SLX4IP: variants seen among roughly 807,000 people sequenced by gnomAD.
The protein encoded by SLX4IP is protein SLX4IP.
In SLX4IP, 34 loss-of-function variants were observed where a neutral mutation model predicts 32.9. That is an observed-to-expected ratio of 1.03 (90% CI 0.79 to 1.38). SLX4IP has a LOEUF of 1.38. Ranked by LOEUF, SLX4IP falls within the 40% of genes most tolerant of loss-of-function variation. The pLI is 0.00. For synonymous variants in SLX4IP, 172 were observed against 171.7 expected (o/e 1.00, Z -0.01); for missense variants, 444 against 479.0 (o/e 0.93, Z 0.68).
chr20:10,505,416 G>A (rs1228750562), intron 2 of SLX4IP, among the ~76,000 whole-genome samples: 1 of 152,228 alleles, frequency 6.6e-6, no homozygotes, highest in East Asian at 1.9e-4. Context: ...ACCAAAGCCA[G>A]TGCTACTCGG....
intron 2 of SLX4IP, among the ~76,000 whole-genome samples, chr20:10,550,266 C>T (rs2066204463): frequency 6.6e-6 from 1 of 152,178 alleles, no homozygotes; most frequent in African/African-American, 2.4e-5. Context: ...TGCCTCGTTA[C>T]TTGAAGCTGC....
chr20:10,561,108 T>C (rs1045548505), intron 4 of SLX4IP, among the ~76,000 whole-genome samples: 1 of 152,206 alleles, frequency 6.6e-6, no homozygotes, highest in Non-Finnish European at 1.5e-5. Flanking sequence ...TTTAGTAGAC[T>C]TAATAATTGT....
intron 5 of SLX4IP, among the ~76,000 whole-genome samples, chr20:10,599,674 G>C (rs1310371004): frequency 6.6e-6 from 1 of 152,068 alleles, no homozygotes; most frequent in East Asian, 1.9e-4. Context: ...TGGGATTACA[G>C]GCATGAGCCA....
intron 2 of SLX4IP, among the ~76,000 whole-genome samples, chr20:10,502,059 G>A (rs544771807): frequency 2.8e-4 from 43 of 152,136 alleles, no homozygotes; most frequent in African/African-American, 8.2e-4. Context: ...CCGAAACGGC[G>A]GCTTATTCAT....
Position 10,435,347 on chromosome 20 carries a change from G to C in SLX4IP, c.-136G>C, listed in dbSNP as rs992346597. Reference sequence around the variant, plus strand: ...GCTTCTGAAGGTTGGCTGCAGTTCCGGCTACCTGTGTAGTCCGAGTTTCCA... The same window carrying C: ...GCTTCTGAAGGTTGGCTGCAGTTCCCGCTACCTGTGTAGTCCGAGTTTCCA... On this transcript the variant is annotated 5_prime_UTR_variant, in exon 1 of 8. Coordinates refer to ENST00000334534, the MANE Select transcript of SLX4IP (RefSeq NM_001009608.3). The C allele has an allele frequency of 6.6e-6, 1 of 152,160 alleles. No individual in the cohort carries two copies. 9.4% of individuals were successfully genotyped at this position (152,160 alleles called of 1,614,324 possible).
intron 2 of SLX4IP, among the ~76,000 whole-genome samples, chr20:10,536,676 G>T (rs908929855): frequency 6.6e-6 from 1 of 152,202 alleles, no homozygotes; most frequent in Non-Finnish European, 1.5e-5. Flanking sequence ...TGCTACAAAC[G>T]TACTGAGTTT....
intron 2 of SLX4IP, among the ~76,000 whole-genome samples, chr20:10,507,904 T>TTA (rs3063286): frequency 0.5 from 74,099 of 146,930 alleles, 18,901 homozygotes; most frequent in South Asian, 0.69. Flanking sequence ...ACAGTCTCCT[T>TTA]TATATATATA....
At position 10,505,627 on chromosome 20, in the gene SLX4IP, C is replaced by T. The variant is rs8125665; in HGVS notation, c.27+47396C>T. 5.9e-3 allele frequency among the ~76,000 whole-genome samples: 902 copies of T among 152,274 alleles called. 7 individuals carry two copies. Among genetic ancestry groups the T allele is most frequent in the African/African-American group, 0.021 (854 of 41,534 alleles). Reference sequence around the variant, plus strand: ...GTAACCATTTCATAGATCTTTTCTACCACTTGATCCTGGGCTTGTAGTTAA... The same window carrying T: ...GTAACCATTTCATAGATCTTTTCTATCACTTGATCCTGGGCTTGTAGTTAA... On this transcript the variant is annotated intron_variant, in intron 2 of 7. Coordinates refer to ENST00000334534, the MANE Select transcript of SLX4IP (RefSeq NM_001009608.3).
At chr20:10,516,433 A>G (rs1405998375) in intron 2 of SLX4IP, among the ~76,000 whole-genome samples, 2 of 152,228 alleles carry the variant, frequency 1.3e-5, no homozygotes, top group Non-Finnish European at 2.9e-5. Context: ...ATTCTAAGGT[A>G]ATGAGGTTTG....
intron 2 of SLX4IP, among the ~76,000 whole-genome samples, chr20:10,486,577 G>A (rs996669344): frequency 6.6e-6 from 1 of 152,072 alleles, no homozygotes; most frequent in Non-Finnish European, 1.5e-5. Flanking sequence ...ATGTGAACAT[G>A]CGTATTTAAA....
At chr20:10,493,530 G>T (rs1285735977) in intron 2 of SLX4IP, among the ~76,000 whole-genome samples, 2 of 149,272 alleles carry the variant, frequency 1.3e-5, no homozygotes, top group African/African-American at 4.9e-5. Flanking sequence ...TACAGATAAG[G>T]TAACTTTTGT....
intron 2 of SLX4IP, 118 bp downstream of exon 2, chr20:10,458,349 CA>C: frequency 1.0e-6 from 1 of 952,940 alleles, no homozygotes; most frequent in South Asian, 2.0e-5. Context: ...TGGGACTCTG[CA>C]AAATTTTTTT....
chr20:10,495,426 G>A (rs572247045), intron 2 of SLX4IP, among the ~76,000 whole-genome samples: 1 of 152,202 alleles, frequency 6.6e-6, no homozygotes, highest in South Asian at 2.1e-4. Flanking sequence ...GTACATGGTC[G>A]GGGTTTTGTA....
At chr20:10,506,391 C>T (rs2065760081) in intron 2 of SLX4IP, among the ~76,000 whole-genome samples, 1 of 152,170 alleles carries the variant, frequency 6.6e-6, no homozygotes, top group Non-Finnish European at 1.5e-5. Context: ...CACATTGGAC[C>T]CAGCTTGACA....
At chr20:10,453,583 T>C (rs952097441) in intron 1 of SLX4IP, among the ~76,000 whole-genome samples, 1 of 152,164 alleles carries the variant, frequency 6.6e-6, no homozygotes, top group African/African-American at 2.4e-5. Flanking sequence ...CATAAGAATT[T>C]TTTTTCTTCC....
chr20:10,435,563 A>G (rs545868002), intron 1 of SLX4IP, 110 bp downstream of exon 1: 31 of 152,330 alleles, frequency 2.0e-4, no homozygotes, highest in African/African-American at 7.5e-4. Flanking sequence ...ACTTTTCCGA[A>G]TCCTTCTCCC....
chr20:10,483,858 C>G (rs1244875648), intron 2 of SLX4IP, among the ~76,000 whole-genome samples: 2 of 144,628 alleles, frequency 1.4e-5, no homozygotes, highest in Non-Finnish European at 3.0e-5. Context: ...TGAAGCAAAT[C>G]GTAAGACCTT....
chr20:10,539,259 C>T (rs1411405435), intron 2 of SLX4IP, among the ~76,000 whole-genome samples: 1 of 152,082 alleles, frequency 6.6e-6, no homozygotes, highest in African/African-American at 2.4e-5. Flanking sequence ...AAGGAAGAAA[C>T]ATTAGAAGAA....
At chr20:10,479,642 C>CTG (rs74321025) in intron 2 of SLX4IP, among the ~76,000 whole-genome samples, 10 of 151,308 alleles carry the variant, frequency 6.6e-5, no homozygotes, top group Admixed American at 1.3e-4. Context: ...AGCCACGTCC[C>CTG]GGCTCGAATT....
Sources: allele counts gnomAD v4.1 joint callset (sites outside exome capture counted in the v4.1 genomes callset), GRCh38; gene constraint gnomAD v4.1.1; transcripts MANE v1.5; gene names NCBI Gene and HGNC (gene_info 2026-07-23, HGNC 2026-07-21).